Variants in PTPN3 observed in about 807,000 individuals in gnomAD.
PTPN3 encodes the protein tyrosine-protein phosphatase non-receptor type 3.
PTPN3 carries 96 observed loss-of-function variants against 132.7 expected under a neutral mutation model. The observed-to-expected ratio is 0.72, with a 90% CI of 0.61 to 0.86. PTPN3 has a LOEUF of 0.86. Among genes scored for constraint, PTPN3 ranks in the 40% least tolerant of loss-of-function variants. The pLI, the probability that PTPN3 is intolerant of heterozygous loss-of-function variation, is 0.00. For synonymous variants in PTPN3, 398 were observed against 429.0 expected (o/e 0.93, Z 0.89); for missense variants, 1,125 against 1,159.6 (o/e 0.97, Z 0.43).
chr9:109,410,182 G>T (rs369164287), intron 15 of PTPN3, 47 bp downstream of exon 15: 7 of 1,610,676 alleles, frequency 4.3e-6, no homozygotes, highest in African/African-American at 1.3e-5. Context: ...ACAAGAGGCC[G>T]GGAAGCCCTG....
chr9:109,433,818 G>A (rs1843830017), intron 9 of PTPN3, among the ~76,000 whole-genome samples: 1 of 151,672 alleles, frequency 6.6e-6, no homozygotes, highest in Non-Finnish European at 1.5e-5. Flanking sequence ...TGAGGTGGGA[G>A]GACTGCTTAA....
At chr9:109,465,389 A>C (rs1846048031) in intron 1 of PTPN3, among the ~76,000 whole-genome samples, 1 of 152,104 alleles carries the variant, frequency 6.6e-6, no homozygotes, top group African/African-American at 2.4e-5. Context: ...TCAGCTGGCC[A>C]ACATGATGAA....
At chr9:109,417,777 T>C (rs1842632070) in intron 14 of PTPN3, 8 of 985,224 alleles carry the variant, frequency 8.1e-6, no homozygotes, top group Non-Finnish European at 8.4e-6. Context: ...CTATTGTCAG[T>C]GCACCTGGTA....
intron 1 of PTPN3, among the ~76,000 whole-genome samples, chr9:109,489,530 T>G (rs4978814): frequency 0.85 from 129,734 of 152,082 alleles, 55,374 homozygotes; most frequent in South Asian, 0.94. Context: ...AGTCCCGGCT[T>G]AGACCCGTCA....
At position 109,377,420 on chromosome 9, in the gene PTPN3, AC is replaced by A. The variant is rs2131560874; in HGVS notation, c.*2135del. The stretch of plus-strand genomic sequence containing the variant: ...TACACACACACACACACACACACAC[AC>A]ACACACACACACACACACACACACA... On this transcript the variant is annotated 3_prime_UTR_variant, in exon 26 of 26. Transcript: ENST00000374541. The A allele has an allele frequency of 7.0e-6, 1 of 141,940 alleles. No homozygotes were observed. The highest frequency in any genetic ancestry group is 2.9e-5 in the African/African-American group (1 of 34,834). The allele number at this position is 141,940 out of a possible 1,614,324, so 8.8% of individuals were successfully genotyped here.
intron 12 of PTPN3, 37 bp downstream of exon 12, chr9:109,426,913 C>A: frequency 6.4e-7 from 1 of 1,561,228 alleles, no homozygotes; most frequent in Admixed American, 1.7e-5. Context: ...ATTTACATCT[C>A]AGCCTAGTGT....
At chr9:109,509,138 T>A in the PTPN3 span, among the ~76,000 whole-genome samples, 1 of 152,216 alleles carries the variant, frequency 6.6e-6, no homozygotes, top group Non-Finnish European at 1.5e-5. Flanking sequence ...GACCTCCATA[T>A]TTGAGCAGAA....
the PTPN3 span, among the ~76,000 whole-genome samples, chr9:109,530,683 G>T: frequency 1.3e-5 from 2 of 152,150 alleles, no homozygotes; most frequent in Admixed American, 6.5e-5. Flanking sequence ...CACCAGCAGT[G>T]CACAGGGGTT....
At chr9:109,505,591 T>G in the PTPN3 span, among the ~76,000 whole-genome samples, 1 of 152,092 alleles carries the variant, frequency 6.6e-6, no homozygotes. Flanking sequence ...TAAGAATCTT[T>G]TGTACACCAA....
At chr9:109,399,962 C>A (rs990207234) in intron 19 of PTPN3, among the ~76,000 whole-genome samples, 10 of 139,302 alleles carry the variant, frequency 7.2e-5, no homozygotes, top group Admixed American at 6.5e-4. Flanking sequence ...TTTTTTTTAG[C>A]TGTTATCCTG....
At chr9:109,408,794 A>ATATATATAT (rs373957307) in intron 16 of PTPN3, among the ~76,000 whole-genome samples, 129 of 87,350 alleles carry the variant, frequency 1.5e-3, no homozygotes, top group Admixed American at 4.4e-3. Context: ...AAAAAAAAAA[A>ATATATATAT]AAATATATAT....
chr9:109,428,718 C>T (rs2131883654), intron 10 of PTPN3, 34 bp from the exon 11 acceptor site: 1 of 1,597,546 alleles, frequency 6.3e-7, no homozygotes, highest in Middle Eastern at 1.7e-4. Flanking sequence ...AAACAAAGCA[C>T]ATCAGGGATC....
intron 14 of PTPN3, among the ~76,000 whole-genome samples, chr9:109,415,491 G>GAAAAGGTATTT (rs1245855983): frequency 1.3e-5 from 2 of 152,210 alleles, no homozygotes; most frequent in Non-Finnish European, 2.9e-5. Flanking sequence ...AAAAAGCAGA[G>GAAAAGGTATTT]AAAAGGTATT....
chr9:109,380,620 A>G (rs910377728), intron 25 of PTPN3, among the ~76,000 whole-genome samples: 10 of 152,228 alleles, frequency 6.6e-5, no homozygotes, highest in African/African-American at 2.4e-4. Context: ...GAGGTCTTCC[A>G]TACCAAAAAA....
chr9:109,507,185 C>T, the PTPN3 span, among the ~76,000 whole-genome samples: 1 of 152,104 alleles, frequency 6.6e-6, no homozygotes, highest in Non-Finnish European at 1.5e-5. Context: ...CAGAAGAGAG[C>T]TTTTGGATAA....
At chr9:109,499,865 CCGGCCTCG>C (rs1319138985), upstream of PTPN3, among the ~76,000 whole-genome samples, 1 of 152,180 alleles carries the variant, frequency 6.6e-6, no homozygotes, top group African/African-American at 2.4e-5. Flanking sequence ...CCGGCCCGGC[CCGGCCTCG>C]AGTCGCCAGC....
At chr9:109,516,969 A>G in the PTPN3 span, among the ~76,000 whole-genome samples, 2 of 152,170 alleles carry the variant, frequency 1.3e-5, no homozygotes, top group African/African-American at 4.8e-5. Flanking sequence ...ACATGTGGAT[A>G]GGAGGGAACT....
intron 23 of PTPN3, 147 bp from the exon 24 acceptor site, chr9:109,382,594 C>T (rs951303857): frequency 5.6e-6 from 5 of 894,932 alleles, no homozygotes; most frequent in South Asian, 1.7e-5. Flanking sequence ...TTCCTCCCCT[C>T]CTTCCCCAAA....
At chr9:109,381,853 C>G in intron 24 of PTPN3, 66 bp from the exon 25 acceptor site, 2 of 1,583,364 alleles carry the variant, frequency 1.3e-6, no homozygotes, top group South Asian at 2.2e-5. Context: ...GCCCAGCGAG[C>G]AGTTCCCCGC....
Sources: gnomAD v4.1 joint callset for allele counts (sites outside exome capture counted in the v4.1 genomes callset) on GRCh38, gnomAD v4.1.1 for gene constraint, MANE v1.5 for transcripts, NCBI Gene and HGNC (gene_info 2026-07-23, HGNC 2026-07-21) for gene names.